MSI2: variants seen among roughly 807,000 people sequenced by gnomAD.
MSI2 encodes the protein musashi RNA binding protein 2.
In MSI2, 17 loss-of-function variants were observed where a neutral mutation model predicts 45.6. That is an observed-to-expected ratio of 0.37 (90% CI 0.26 to 0.56). MSI2 has a LOEUF of 0.56. Among genes scored for constraint, MSI2 ranks in the 20% least tolerant of loss-of-function variants. MSI2 has a pLI of 0.77. For missense variants in MSI2, 293 were observed against 444.2 expected (o/e 0.66, Z 3.06); for synonymous variants, 156 against 158.2 (o/e 0.99, Z 0.11).
At chr17:57,336,960 A>G (rs533658905) in intron 5 of MSI2, among the ~76,000 whole-genome samples, 1 of 152,302 alleles carries the variant, frequency 6.6e-6, no homozygotes, top group Admixed American at 6.5e-5. Context: ...ATCTGAAGAC[A>G]TGGCCAAGCA....
intron 5 of MSI2, among the ~76,000 whole-genome samples, chr17:57,356,604 T>G (rs558737241): frequency 2.0e-5 from 3 of 152,352 alleles, no homozygotes; most frequent in Non-Finnish European, 4.4e-5. Flanking sequence ...GGCCTGTGGT[T>G]TAGCAGAGTG....
Position 57,611,804 on chromosome 17 carries a change from G to A in MSI2, c.538-4166G>A, listed in dbSNP as rs1447488846. Among the ~76,000 whole-genome samples the A allele has an allele frequency of 4.2e-5, 4 of 95,364 alleles. 2 individuals carry two copies. The highest frequency in any genetic ancestry group is 1.3e-4 in the African/African-American group (4 of 30,682). 62.6% of individuals were successfully genotyped at this position (95,364 alleles called of 152,430 possible). ...CATCTTGGGCCTCCAGCCTCGTTGA[G>A]GCCTCCTCTGGCCTCAGCCCCAGTC... On this transcript the variant is annotated intron_variant, in intron 8 of 13. Coordinates refer to ENST00000284073, the MANE Select transcript of MSI2 (RefSeq NM_138962.4).
At chr17:57,577,382 G>T (rs2088078173) in intron 7 of MSI2, among the ~76,000 whole-genome samples, 1 of 152,148 alleles carries the variant, frequency 6.6e-6, no homozygotes. Context: ...ACCACTGGTG[G>T]GTCCTGCATT....
intron 8 of MSI2, among the ~76,000 whole-genome samples, chr17:57,599,159 C>G (rs1905575129): frequency 6.6e-6 from 1 of 152,150 alleles, no homozygotes; most frequent in Non-Finnish European, 1.5e-5. Context: ...CAGGAAAGGC[C>G]AGATGTAGAC....
chr17:57,424,306 A>G (rs114023414), intron 6 of MSI2, among the ~76,000 whole-genome samples: 5,384 of 152,292 alleles, frequency 0.035, 110 homozygotes, highest in Middle Eastern at 0.085. Context: ...TCAGACATAC[A>G]TTTGAAGATC....
intron 10 of MSI2, among the ~76,000 whole-genome samples, chr17:57,651,221 C>G (rs559399528): frequency 6.6e-6 from 1 of 152,144 alleles, no homozygotes; most frequent in Non-Finnish European, 1.5e-5. Context: ...CTATTATTCC[C>G]GTTGCTGGGA....
chr17:57,317,085 T>G (rs1250306204), intron 5 of MSI2, among the ~76,000 whole-genome samples: 3 of 152,158 alleles, frequency 2.0e-5, no homozygotes, highest in Non-Finnish European at 2.9e-5. Context: ...TCTGTACATG[T>G]CAGAGGCCAT....
At chr17:57,439,310 T>C (rs544043292) in intron 6 of MSI2, among the ~76,000 whole-genome samples, 1 of 152,280 alleles carries the variant, frequency 6.6e-6, no homozygotes, top group East Asian at 1.9e-4. Context: ...TGGATGAGGA[T>C]TTGCACTCAA....
chr17:57,371,292 C>T (rs977266923), intron 5 of MSI2, among the ~76,000 whole-genome samples: 2 of 152,132 alleles, frequency 1.3e-5, no homozygotes, highest in Non-Finnish European at 2.9e-5. Context: ...ATGTTTTTAA[C>T]TCCAACTTAG....
chr17:57,324,314 G>C (rs1484460443), intron 5 of MSI2, among the ~76,000 whole-genome samples: 1 of 152,196 alleles, frequency 6.6e-6, no homozygotes, highest in Non-Finnish European at 1.5e-5. Context: ...CCAAGGAGGG[G>C]TACCGCATGA....
At chr17:57,581,822 G>GT (rs1567914811) in intron 7 of MSI2, among the ~76,000 whole-genome samples, 2 of 152,210 alleles carry the variant, frequency 1.3e-5, no homozygotes, top group Admixed American at 1.3e-4. Flanking sequence ...CCAGCATTTC[G>GT]TAAGTCGTCG....
intron 2 of MSI2, 37 bp from the exon 3 acceptor site, chr17:57,257,429 C>A: frequency 8.9e-7 from 1 of 1,129,250 alleles, no homozygotes; most frequent in East Asian, 2.4e-5. Flanking sequence ...TCCACACCTT[C>A]TCTCCCCCCC....
At chr17:57,403,300 G>A (rs2143115046) in intron 6 of MSI2, among the ~76,000 whole-genome samples, 1 of 152,182 alleles carries the variant, frequency 6.6e-6, no homozygotes, top group South Asian at 2.1e-4. Flanking sequence ...CTTCCTTTCT[G>A]TATTTCTGTT....
At chr17:57,362,492 C>T (rs1916876926) in intron 5 of MSI2, among the ~76,000 whole-genome samples, 1 of 152,102 alleles carries the variant, frequency 6.6e-6, no homozygotes, top group Non-Finnish European at 1.5e-5. Context: ...TTCTGTTTGC[C>T]CAGTGAGTTT....
At chr17:57,572,815 C>A (rs770540019) in intron 7 of MSI2, among the ~76,000 whole-genome samples, 11 of 152,198 alleles carry the variant, frequency 7.2e-5, no homozygotes, top group Non-Finnish European at 1.0e-4. Context: ...TCCCCGCCGT[C>A]CTGATTTAGA....
Position 57,583,488 on chromosome 17 carries a change from C to CTTTTTTTTTTTTT in MSI2, c.455-13373_455-13361dup, listed in dbSNP as rs5821192. ...TACTTTTTTCCTTCTCCCAATGTTT[C>CTTTTTTTTTTTTT]TTTTTTTTTTTTTTTTTTTGAGACA... On this transcript the variant is annotated intron_variant, in intron 7 of 13. Transcript: ENST00000284073. 9.2e-4 allele frequency among the ~76,000 whole-genome samples: 90 copies of CTTTTTTTTTTTTT among 98,002 alleles called. 1 individual carries two copies. The highest frequency in any genetic ancestry group is 3.3e-3 in the African/African-American group (85 of 25,766). The allele number at this position is 98,002 out of a possible 152,430, so 64.3% of individuals were successfully genotyped here.
intron 9 of MSI2, among the ~76,000 whole-genome samples, chr17:57,623,689 A>G (rs954439625): frequency 6.6e-6 from 1 of 152,194 alleles, no homozygotes; most frequent in Non-Finnish European, 1.5e-5. Context: ...GGGAGGGGCC[A>G]GGCTGCTAAT....
chr17:57,391,995 G>C (rs186343116), intron 5 of MSI2, among the ~76,000 whole-genome samples: 1 of 152,186 alleles, frequency 6.6e-6, no homozygotes, highest in African/African-American at 2.4e-5. Context: ...GGTGAGCACT[G>C]GGGGGCAGCG....
At chr17:57,672,084 G>A (rs1261070925) in intron 11 of MSI2, among the ~76,000 whole-genome samples, 3 of 152,232 alleles carry the variant, frequency 2.0e-5, no homozygotes, top group African/African-American at 7.2e-5. Context: ...GCGCCCTCTA[G>A]TGGGGACCCA....
Sources: allele counts gnomAD v4.1 joint callset (sites outside exome capture counted in the v4.1 genomes callset), GRCh38; gene constraint gnomAD v4.1.1; transcripts MANE v1.5; gene names NCBI Gene and HGNC (gene_info 2026-07-23, HGNC 2026-07-21).